Variants in CAP2 observed in about 807,000 individuals in gnomAD.
CAP2 encodes the protein adenylyl cyclase-associated protein 2.
Under a neutral mutation model 57.7 loss-of-function variants are expected in CAP2, and 24 were observed. The observed-to-expected ratio is 0.42, with a 90% CI of 0.30 to 0.58. The LOEUF (loss-of-function observed/expected upper bound fraction) is 0.58. Ranked by LOEUF, CAP2 falls within the 20% of genes least tolerant of loss-of-function variation. The pLI, the probability that CAP2 is intolerant of heterozygous loss-of-function variation, is 0.22. For synonymous variants in CAP2, 194 were observed against 207.2 expected (o/e 0.94, Z 0.55); for missense variants, 501 against 590.3 (o/e 0.85, Z 1.57).
At chr6:17,470,673 G>A (rs1760994451) in intron 4 of CAP2, among the ~76,000 whole-genome samples, 1 of 152,148 alleles carries the variant, frequency 6.6e-6, no homozygotes, top group South Asian at 2.1e-4. Context: ...CAGTCTTCTG[G>A]TCATTCCTAG....
At chr6:17,490,101 C>A (rs1761510402) in intron 4 of CAP2, among the ~76,000 whole-genome samples, 1 of 152,132 alleles carries the variant, frequency 6.6e-6, no homozygotes, top group African/African-American at 2.4e-5. Context: ...ATTCCATAGT[C>A]TATATTAATA....
chr6:17,555,577 T>C (rs751157110), intron 12 of CAP2, among the ~76,000 whole-genome samples: 1 of 151,336 alleles, frequency 6.6e-6, no homozygotes, highest in Non-Finnish European at 1.5e-5. Context: ...ATTTTATTTT[T>C]TGGAGATGGA....
rs767603383 is a variant in CAP2 at position 17,542,954 on chromosome 6, A to G, written c.1120A>G (p.Ile374Val). The G allele has an allele frequency of 6.2e-7, 1 of 1,613,936 alleles. No individual in the cohort carries two copies. The change falls in exon 10 of 13, where the codon ATA becomes GTA. Residue 374 changes from isoleucine to valine, a missense_variant. Transcript: ENST00000229922. Reference sequence around the variant, plus strand: ...GATAAAAGGGAAAGTAAACTCCATTATAATTGGTAGGGCAGAATTATGGCT... The same window carrying G: ...GATAAAAGGGAAAGTAAACTCCATTGTAATTGGTAGGGCAGAATTATGGCT... The part of the protein sequence containing the change: ...IQIKGKVNSI[I>V]IDNCKKLGLV...
chr6:17,488,293 T>C (rs1761468960), intron 4 of CAP2, among the ~76,000 whole-genome samples: 1 of 152,188 alleles, frequency 6.6e-6, no homozygotes, highest in East Asian at 1.9e-4. Context: ...CTTTTTCTGC[T>C]GTTCTCTCAG....
intron 1 of CAP2, among the ~76,000 whole-genome samples, chr6:17,410,545 T>A (rs958699660): frequency 6.6e-6 from 1 of 152,016 alleles, no homozygotes; most frequent in African/African-American, 2.4e-5. Flanking sequence ...CACTGGGAGA[T>A]GAGAACAGCA....
At chr6:17,411,024 T>G (rs1408378119) in intron 1 of CAP2, among the ~76,000 whole-genome samples, 1 of 149,216 alleles carries the variant, frequency 6.7e-6, no homozygotes, top group Non-Finnish European at 1.5e-5. Flanking sequence ...CCTGGATATT[T>G]CTTATAAATG....
intron 7 of CAP2, among the ~76,000 whole-genome samples, chr6:17,518,023 A>AT (rs1412170139): frequency 3.3e-5 from 5 of 152,180 alleles, no homozygotes; most frequent in African/African-American, 4.8e-5. Context: ...TATATTATAC[A>AT]TATTATGTGC....
chr6:17,551,430 TTGCTTTGG>T, intron 11 of CAP2, 26 bp from the exon 12 acceptor site: 1 of 1,542,094 alleles, frequency 6.5e-7, no homozygotes, highest in Non-Finnish European at 8.8e-7. Flanking sequence ...TTCTGTTTCT[TTGCTTTGG>T]TCCCAGGTAT....
intron 12 of CAP2, among the ~76,000 whole-genome samples, chr6:17,552,252 C>T (rs530070141): frequency 5.1e-4 from 78 of 152,334 alleles, no homozygotes; most frequent in African/African-American, 1.3e-3. Flanking sequence ...AAGAACCATA[C>T]ACGTATTCTC....
intron 3 of CAP2, among the ~76,000 whole-genome samples, chr6:17,449,847 A>T (rs949581291): frequency 3.3e-5 from 5 of 152,186 alleles, no homozygotes; most frequent in Non-Finnish European, 7.3e-5. Context: ...ATACTCTCAC[A>T]GTGTCTTAAA....
intron 1 of CAP2, among the ~76,000 whole-genome samples, chr6:17,397,389 G>A (rs1452910441): frequency 1.3e-5 from 2 of 151,710 alleles, no homozygotes; most frequent in African/African-American, 4.8e-5. Context: ...TTCAACATTA[G>A]GTCATTAAGA....
chr6:17,482,164 G>T (rs1475005894), intron 4 of CAP2, among the ~76,000 whole-genome samples: 1 of 152,126 alleles, frequency 6.6e-6, no homozygotes, highest in Non-Finnish European at 1.5e-5. Context: ...AGGGCTGCTG[G>T]AACAAAATAA....
At chr6:17,518,353 C>T (rs1242903452) in intron 7 of CAP2, among the ~76,000 whole-genome samples, 1 of 152,154 alleles carries the variant, frequency 6.6e-6, no homozygotes, top group Non-Finnish European at 1.5e-5. Flanking sequence ...GCTAATTTCT[C>T]CTCTCTGACT....
intron 1 of CAP2, among the ~76,000 whole-genome samples, chr6:17,400,472 A>G (rs1017608890): frequency 4.6e-5 from 7 of 152,166 alleles, no homozygotes; most frequent in Non-Finnish European, 1.0e-4. Context: ...TGAATAGAAG[A>G]TGACACTTAA....
intron 5 of CAP2, 44 bp from the exon 6 acceptor site, chr6:17,507,597 T>C (rs778067921): frequency 8.9e-7 from 1 of 1,119,984 alleles, no homozygotes; most frequent in South Asian, 1.3e-5. Context: ...TCTTATCCTA[T>C]TTTTTTTTCC....
chr6:17,537,033 T>C (rs1453474241), intron 7 of CAP2, among the ~76,000 whole-genome samples: 2 of 152,188 alleles, frequency 1.3e-5, no homozygotes, highest in African/African-American at 4.8e-5. Flanking sequence ...AAACAAAGAC[T>C]ATTGCAAATT....
At chr6:17,509,127 A>G (rs2113660872) in intron 6 of CAP2, among the ~76,000 whole-genome samples, 1 of 152,296 alleles carries the variant, frequency 6.6e-6, no homozygotes, top group Middle Eastern at 3.4e-3. Flanking sequence ...ACAACAATAT[A>G]AGACAAATTT....
At chr6:17,478,511 T>G (rs868765167) in intron 4 of CAP2, among the ~76,000 whole-genome samples, 9 of 152,090 alleles carry the variant, frequency 5.9e-5, no homozygotes, top group Admixed American at 2.0e-4. Context: ...CCTTTTCGTG[T>G]TGTTGTGACC....
intron 7 of CAP2, among the ~76,000 whole-genome samples, chr6:17,519,420 C>G (rs764039382): frequency 1.1e-4 from 16 of 152,106 alleles, no homozygotes; most frequent in Non-Finnish European, 2.1e-4. Flanking sequence ...TTACATTTAC[C>G]ATGGTAAATG....
Sources: allele counts gnomAD v4.1 joint callset (sites outside exome capture counted in the v4.1 genomes callset), GRCh38; gene constraint gnomAD v4.1.1; transcripts MANE v1.5; gene names NCBI Gene and HGNC (gene_info 2026-07-23, HGNC 2026-07-21).